PLCL1: variants seen among roughly 807,000 people sequenced by gnomAD.
PLCL1 encodes phospholipase C like 1 (inactive).
PLCL1 carries 41 observed loss-of-function variants against 84.4 expected under a neutral mutation model. The observed-to-expected ratio is 0.49, with a 90% CI of 0.38 to 0.63. The LOEUF (loss-of-function observed/expected upper bound fraction) is 0.63, where lower values mean the gene tolerates loss of function less well. Among genes scored for constraint, PLCL1 ranks in the 30% least tolerant of loss-of-function variants. PLCL1 has a pLI of 0.00. For synonymous variants in PLCL1, 490 were observed against 488.3 expected (o/e 1.00, Z -0.05); for missense variants, 1,206 against 1,367.8 (o/e 0.88, Z 1.87).
At chr2:198,091,493 A>G (rs1271410008) in intron 3 of PLCL1, among the ~76,000 whole-genome samples, 1 of 151,900 alleles carries the variant, frequency 6.6e-6, no homozygotes, top group Non-Finnish European at 1.5e-5. Flanking sequence ...CAGCCTGGCC[A>G]ACATAGTGAA....
chr2:198,094,261 C>T (rs1039067814), intron 3 of PLCL1, among the ~76,000 whole-genome samples: 3 of 152,096 alleles, frequency 2.0e-5, no homozygotes, highest in Admixed American at 6.5e-5. Context: ...CAGGGTTTCA[C>T]CATGTTAGCC....
chr2:198,037,649 A>G lies in PLCL1; in HGVS notation c.241-46109A>G, dbSNP rs186744135. ...ATCTTAAATACTCTCTATCAAGTTGAGTTCTGTGCTTACAAAGAGTCAATT... is the reference window on the plus strand; with the variant it reads ...ATCTTAAATACTCTCTATCAAGTTGGGTTCTGTGCTTACAAAGAGTCAATT... On this transcript the variant is annotated intron_variant, in intron 1 of 5. Transcript: ENST00000428675. Among the ~76,000 whole-genome samples the G allele has an allele frequency of 8.9e-4, 136 of 152,308 alleles. No individual in the cohort carries two copies. The Middle Eastern group carries it at 0.01, about 11-fold the overall frequency.
intron 1 of PLCL1, among the ~76,000 whole-genome samples, chr2:197,968,897 A>G (rs1279966468): frequency 6.6e-6 from 1 of 152,172 alleles, no homozygotes; most frequent in Non-Finnish European, 1.5e-5. Context: ...TTATAAGTTA[A>G]GAGTAATTCA....
At chr2:198,026,103 G>A (rs1220058424) in intron 1 of PLCL1, among the ~76,000 whole-genome samples, 1 of 152,142 alleles carries the variant, frequency 6.6e-6, no homozygotes, top group Non-Finnish European at 1.5e-5. Flanking sequence ...AGGCCTTCAG[G>A]TAGGTGGTGG....
At chr2:197,858,956 T>C (rs1386274684) in intron 1 of PLCL1, among the ~76,000 whole-genome samples, 1 of 152,102 alleles carries the variant, frequency 6.6e-6, no homozygotes, top group Admixed American at 6.6e-5. Flanking sequence ...GCCTCTCTAG[T>C]GGACTAGCTC....
chr2:198,137,561 T>C (rs946030259), intron 5 of PLCL1, among the ~76,000 whole-genome samples: 4 of 152,032 alleles, frequency 2.6e-5, no homozygotes, highest in African/African-American at 9.7e-5. Context: ...TATATCTGTA[T>C]CTGTAAGACT....
At chr2:197,997,125 G>A (rs1322871021) in intron 1 of PLCL1, among the ~76,000 whole-genome samples, 1 of 152,216 alleles carries the variant, frequency 6.6e-6, no homozygotes, top group African/African-American at 2.4e-5. Context: ...GAGGGCAGGA[G>A]CCAACAGGTA....
intron 1 of PLCL1, among the ~76,000 whole-genome samples, chr2:198,034,793 G>T (rs1007113396): frequency 3.3e-5 from 5 of 152,172 alleles, no homozygotes; most frequent in Admixed American, 6.5e-5. Context: ...ATCACATGTT[G>T]TGTTGTGCTG....
chr2:197,897,095 ACTCCTTCTTCTTCTT>A (rs1559038391), intron 1 of PLCL1, among the ~76,000 whole-genome samples: 1 of 148,032 alleles, frequency 6.8e-6, no homozygotes, highest in Non-Finnish European at 1.5e-5. Flanking sequence ...TAGAAGTATG[ACTCCTTCTTCTTCTT>A]CTTCTTCTTC....
chr2:197,944,940 T>C (rs1383695998), intron 1 of PLCL1, among the ~76,000 whole-genome samples: 1 of 152,176 alleles, frequency 6.6e-6, no homozygotes, highest in Non-Finnish European at 1.5e-5. Context: ...ATCTTTGTGG[T>C]TATGGAATTT....
chr2:198,026,907 A>G (rs946420640), intron 1 of PLCL1, among the ~76,000 whole-genome samples: 8 of 152,194 alleles, frequency 5.3e-5, no homozygotes, highest in Admixed American at 3.9e-4. Flanking sequence ...ACTCTTGCAC[A>G]CTGCTGGTGG....
At chr2:197,943,283 CTTGA>C (rs1689198558) in intron 1 of PLCL1, among the ~76,000 whole-genome samples, 1 of 148,098 alleles carries the variant, frequency 6.8e-6, no homozygotes, top group Non-Finnish European at 1.5e-5. Context: ...TTCATTATTT[CTTGA>C]TTATTTAAAT....
intron 1 of PLCL1, among the ~76,000 whole-genome samples, chr2:198,001,227 A>G (rs1268557124): frequency 6.6e-6 from 1 of 152,214 alleles, no homozygotes; most frequent in Non-Finnish European, 1.5e-5. Flanking sequence ...CCATGGAGAC[A>G]ATGGTTGGAA....
At chr2:197,897,185 T>C (rs56040226) in intron 1 of PLCL1, among the ~76,000 whole-genome samples, 6,415 of 36,382 alleles carry the variant, frequency 0.18, 659 homozygotes, top group African/African-American at 0.19. Flanking sequence ...TTCTTCTTCT[T>C]CTTCTCCTTC....
intron 5 of PLCL1, among the ~76,000 whole-genome samples, chr2:198,122,915 A>AT (rs1177933277): frequency 1.3e-5 from 2 of 152,092 alleles, no homozygotes; most frequent in Non-Finnish European, 2.9e-5. Flanking sequence ...TATGATATCC[A>AT]TTTTCTACAG....
At chr2:197,830,285 A>T (rs925197817) in intron 1 of PLCL1, among the ~76,000 whole-genome samples, 4 of 152,068 alleles carry the variant, frequency 2.6e-5, no homozygotes, top group Admixed American at 2.6e-4. Context: ...AAAAGGTTAG[A>T]GGGATTGCTA....
In PLCL1 at chr2:198,101,441, T is replaced by C. The variant is rs570835054; in HGVS notation, c.2995+81T>C. On this transcript the variant is annotated intron_variant, in intron 4 of 5. Coordinates refer to ENST00000428675, the MANE Select transcript of PLCL1 (RefSeq NM_006226.4). ...TAATAATTCTTGGTAGATTTTTTTT[T>C]CAGAAACTTTCTGCTTCTCTTAAAA... 1.2e-4 allele frequency: 91 copies of C among 744,844 alleles called. No homozygotes were observed. The East Asian group carries it at 1.8e-3, about 15-fold the overall frequency. 46.1% of individuals were successfully genotyped at this position (744,844 alleles called of 1,614,324 possible). A position where few individuals can be genotyped will look rare whatever the true frequency, so the allele number is the denominator to read the frequency against.
intron 5 of PLCL1, among the ~76,000 whole-genome samples, chr2:198,113,057 A>G (rs945832258): frequency 6.6e-6 from 1 of 151,892 alleles, no homozygotes; most frequent in Non-Finnish European, 1.5e-5. Context: ...AAGGCATAGC[A>G]TCTATCTGGG....
At chr2:197,824,448 ATCAG>A (rs1690885982) in intron 1 of PLCL1, among the ~76,000 whole-genome samples, 1 of 151,956 alleles carries the variant, frequency 6.6e-6, no homozygotes, top group Non-Finnish European at 1.5e-5. Flanking sequence ...TATTTAAAAA[ATCAG>A]TCTGTAATCC....
Sources: gnomAD v4.1 joint callset for allele counts (sites outside exome capture counted in the v4.1 genomes callset) on GRCh38, gnomAD v4.1.1 for gene constraint, MANE v1.5 for transcripts, NCBI Gene and HGNC (gene_info 2026-07-23, HGNC 2026-07-21) for gene names.